MPPED2: variants seen among roughly 807,000 people sequenced by gnomAD.
The protein encoded by MPPED2 is metallophosphoesterase domain containing 2.
In MPPED2, 5 loss-of-function variants were observed where a neutral mutation model predicts 33.0. That is an observed-to-expected ratio of 0.15 (90% CI 0.08 to 0.32). The LOEUF (loss-of-function observed/expected upper bound fraction) is 0.32, where lower values mean the gene tolerates loss of function less well. Among genes scored for constraint, MPPED2 ranks in the 10% least tolerant of loss-of-function variants. The pLI is 1.00. For missense variants in MPPED2, 275 were observed against 372.1 expected, an observed-to-expected ratio of 0.74 and a Z score of 2.15; for synonymous variants, 136 against 141.9, an observed-to-expected ratio of 0.96 and a Z score of 0.29.
intron 2 of MPPED2, among the ~76,000 whole-genome samples, chr11:30,579,298 TC>T (rs1957065163): frequency 6.6e-6 from 1 of 152,166 alleles, no homozygotes; most frequent in Non-Finnish European, 1.5e-5. Context: ...GTTCAATTCT[TC>T]CAGGAGTGGT....
intron 3 of MPPED2, among the ~76,000 whole-genome samples, chr11:30,505,591 G>C (rs932911581): frequency 2.6e-5 from 4 of 152,298 alleles, no homozygotes; most frequent in African/African-American, 9.6e-5. Flanking sequence ...TATAAAGAAA[G>C]ATTTATACAA....
chr11:30,529,523 T>C (rs943777420), intron 3 of MPPED2, among the ~76,000 whole-genome samples: 4 of 150,178 alleles, frequency 2.7e-5, no homozygotes, highest in African/African-American at 9.8e-5. Context: ...CAAAAGATAT[T>C]TGTGTGTGTG....
At chr11:30,469,140 T>G (rs1447239096) in intron 4 of MPPED2, 1 of 152,236 alleles carries the variant, frequency 6.6e-6, no homozygotes, top group Non-Finnish European at 1.5e-5. Context: ...TTAAGATTGA[T>G]GTCTGAATAA....
chr11:30,406,679 C>A (rs770168137), downstream of MPPED2, among the ~76,000 whole-genome samples: 5 of 152,126 alleles, frequency 3.3e-5, no homozygotes, highest in Non-Finnish European at 5.9e-5. Context: ...AAGCAAACAA[C>A]AACAAAAATG....
chr11:30,511,929 CTGT>C (rs1470396895), intron 3 of MPPED2, among the ~76,000 whole-genome samples: 1 of 152,304 alleles, frequency 6.6e-6, no homozygotes, highest in South Asian at 2.1e-4. Flanking sequence ...ACGTCAATTA[CTGT>C]TGTTGTCCTT....
At chr11:30,537,806 T>TA (rs1049524370) in intron 2 of MPPED2, among the ~76,000 whole-genome samples, 48 of 152,324 alleles carry the variant, frequency 3.2e-4, no homozygotes, top group Admixed American at 2.7e-3. Context: ...AATATGCTGT[T>TA]ACCACGTAGA....
At chr11:30,507,329 T>A (rs1287524462) in intron 3 of MPPED2, among the ~76,000 whole-genome samples, 1 of 152,240 alleles carries the variant, frequency 6.6e-6, no homozygotes, top group Non-Finnish European at 1.5e-5. Context: ...TTCTCCTTTC[T>A]GAATCCCCAC....
chr11:30,474,656 C>G (rs1482026738), intron 4 of MPPED2, among the ~76,000 whole-genome samples: 1 of 152,080 alleles, frequency 6.6e-6, no homozygotes, highest in East Asian at 1.9e-4. Context: ...CCAGCAGCCA[C>G]CACAAGAGGA....
chr11:30,400,592 C>T (rs907057597), intron 6 of MPPED2, among the ~76,000 whole-genome samples: 4 of 152,188 alleles, frequency 2.6e-5, no homozygotes, highest in South Asian at 2.1e-4. Context: ...ACTCATTAAC[C>T]TGTCATGAGA....
intron 3 of MPPED2, among the ~76,000 whole-genome samples, chr11:30,511,572 C>A (rs181080530): frequency 6.6e-6 from 1 of 152,064 alleles, no homozygotes; most frequent in Admixed American, 6.6e-5. Flanking sequence ...TGATTATGTA[C>A]GGCACAATGT....
chr11:30,414,508 T>C (rs1348198619), intron 5 of MPPED2, among the ~76,000 whole-genome samples, 167 bp from the exon 6 acceptor site: 2 of 152,178 alleles, frequency 1.3e-5, no homozygotes, highest in Admixed American at 6.5e-5. Flanking sequence ...CTCGTCACTT[T>C]GTCTTCTTTA....
chr11:30,540,731 C>T (rs1172531931), intron 2 of MPPED2, among the ~76,000 whole-genome samples: 1 of 152,082 alleles, frequency 6.6e-6, no homozygotes, highest in Non-Finnish European at 1.5e-5. Context: ...TATTTATTTC[C>T]TGCCTGTCCC....
In MPPED2 at chr11:30,473,651, G is replaced by T. The variant is rs563971182; in HGVS notation, c.536+21645C>A. Reference sequence around the variant, plus strand: ...GACTTGCTTCTAATAAAAAAAAAAAGTTCAGCCAAAGTGATGGAGTATTAC... The same window carrying T: ...GACTTGCTTCTAATAAAAAAAAAAATTTCAGCCAAAGTGATGGAGTATTAC... On this transcript the variant is annotated intron_variant, in intron 4 of 6. Coordinates refer to ENST00000358117, the MANE Select transcript of MPPED2 (RefSeq NM_001584.3). 4.0e-5 allele frequency among the ~76,000 whole-genome samples: 6 copies of T among 151,660 alleles called. No individual in the cohort carries two copies. In the East Asian group the frequency reaches 1.2e-3, roughly 29 times the overall value.
intron 3 of MPPED2, among the ~76,000 whole-genome samples, chr11:30,524,325 A>G (rs1359653568): frequency 6.6e-6 from 1 of 152,174 alleles, no homozygotes; most frequent in Admixed American, 6.5e-5. Context: ...ACAAGTCCAA[A>G]GAGTGAGGGA....
intron 3 of MPPED2, among the ~76,000 whole-genome samples, chr11:30,529,352 T>C (rs1429656582): frequency 6.6e-6 from 1 of 152,192 alleles, no homozygotes; most frequent in Non-Finnish European, 1.5e-5. Context: ...ACACATCAAA[T>C]ATTTGGATTT....
chr11:30,544,871 GA>G, intron 2 of MPPED2, among the ~76,000 whole-genome samples: 1 of 152,248 alleles, frequency 6.6e-6, no homozygotes, highest in Middle Eastern at 3.4e-3. Flanking sequence ...TAGGAGCTCA[GA>G]AAAAAGACGC....
intron 4 of MPPED2, among the ~76,000 whole-genome samples, chr11:30,427,740 C>A (rs559845339): frequency 2.0e-5 from 3 of 152,098 alleles, no homozygotes; most frequent in Admixed American, 6.5e-5. Flanking sequence ...AAGAAACAGA[C>A]GGACATGCCT....
intron 1 of MPPED2, among the ~76,000 whole-genome samples, chr11:30,582,220 G>T (rs1198350790): frequency 6.6e-6 from 1 of 152,124 alleles, no homozygotes; most frequent in Non-Finnish European, 1.5e-5. Flanking sequence ...CACTACTGAA[G>T]CGCAAAACTG....
At chr11:30,440,191 G>T (rs774253286) in intron 4 of MPPED2, among the ~76,000 whole-genome samples, 1 of 152,088 alleles carries the variant, frequency 6.6e-6, no homozygotes, top group Non-Finnish European at 1.5e-5. Context: ...CTAGCCGGGC[G>T]TGGTGGCAGA....
Sources: allele counts gnomAD v4.1 joint callset (sites outside exome capture counted in the v4.1 genomes callset), GRCh38; gene constraint gnomAD v4.1.1; transcripts MANE v1.5; gene names NCBI Gene and HGNC (gene_info 2026-07-23, HGNC 2026-07-21).